TDRD5: variants seen among roughly 807,000 people sequenced by gnomAD.
TDRD5 encodes tudor domain containing 5.
In TDRD5, 41 loss-of-function variants were observed where a neutral mutation model predicts 120.6. The ratio of observed to expected loss-of-function variants is 0.34; its 90% confidence interval spans 0.26 to 0.44. TDRD5 has a LOEUF of 0.44. Ranked by LOEUF, TDRD5 falls within the 20% of genes least tolerant of loss-of-function variation. TDRD5 has a pLI of 1.00. For synonymous variants in TDRD5, 430 were observed against 433.7 expected (o/e 0.99, Z 0.11); for missense variants, 1,006 against 1,221.2 (o/e 0.82, Z 2.63).
Position 179,654,198 on chromosome 1 carries a change from T to G in TDRD5, c.2161-3T>G, listed in dbSNP as rs1233095234. On this transcript the variant is annotated splice_region_variant and splice_polypyrimidine_tract_variant and intron_variant, in intron 13 of 17. Transcript: ENST00000444136. ...TAAAGGAATTCTCTTTCATATCTAC[T>G]AGCAAGATATTAATGATGAAAAGTC... 1.3e-6 allele frequency: 2 copies of G among 1,523,204 alleles called. No individual in the cohort carries two copies. Among genetic ancestry groups the G allele is most frequent in the Non-Finnish European group, 1.8e-6 (2 of 1,132,586 alleles). The allele number at this position is 1,523,204 out of a possible 1,614,324, so 94.4% of individuals were successfully genotyped here.
At chr1:179,597,332 C>CTTTTTTTTTTTTTTTTTTTTTTTTCTT (rs945509784) in intron 4 of TDRD5, among the ~76,000 whole-genome samples, 1 of 125,572 alleles carries the variant, frequency 8.0e-6, no homozygotes, top group African/African-American at 2.9e-5. Flanking sequence ...TTCTTTTTTT[C>CTTTTTTTTTTTTTTTTTTTTTTTTCTT]TTTTTTTTTT....
chr1:179,639,301 C>A (rs927453044), intron 9 of TDRD5, among the ~76,000 whole-genome samples: 2 of 152,044 alleles, frequency 1.3e-5, no homozygotes, highest in African/African-American at 4.8e-5. Context: ...AGGATTTGGA[C>A]CCAGGTTATT....
chr1:179,608,260 TTTTC>T (rs548643405), intron 4 of TDRD5, among the ~76,000 whole-genome samples: 2 of 149,246 alleles, frequency 1.3e-5, no homozygotes, highest in African/African-American at 2.5e-5. Flanking sequence ...CTTGTTGTAC[TTTTC>T]TTTATTTTTT....
intron 17 of TDRD5, among the ~76,000 whole-genome samples, chr1:179,684,375 A>T (rs927872858): frequency 6.6e-6 from 1 of 152,030 alleles, no homozygotes; most frequent in Non-Finnish European, 1.5e-5. Flanking sequence ...AAGGACATGA[A>T]CTCATCCTTT....
intron 11 of TDRD5, among the ~76,000 whole-genome samples, chr1:179,648,747 C>T (rs998906893): frequency 7.3e-5 from 11 of 151,212 alleles, no homozygotes; most frequent in Admixed American, 3.3e-4. Context: ...CTAAATGAGA[C>T]GTGGACCAAG....
At chr1:179,677,419 A>G (rs1680194047) in intron 17 of TDRD5, among the ~76,000 whole-genome samples, 1 of 152,024 alleles carries the variant, frequency 6.6e-6, no homozygotes, top group Non-Finnish European at 1.5e-5. Flanking sequence ...AGGGGTGTTA[A>G]AGAACCTTAT....
At chr1:179,672,643 TG>T (rs1325036500) in intron 17 of TDRD5, among the ~76,000 whole-genome samples, 1 of 152,222 alleles carries the variant, frequency 6.6e-6, no homozygotes, top group African/African-American at 2.4e-5. Flanking sequence ...AATTTGCTTC[TG>T]GGTTCTTGAT....
At chr1:179,651,139 A>T in intron 12 of TDRD5, 72 bp downstream of exon 12, 1 of 1,503,008 alleles carries the variant, frequency 6.7e-7, no homozygotes, top group South Asian at 1.2e-5. Context: ...AGATAATTTA[A>T]TAAAGAAGTT....
At chr1:179,661,401 C>CT (rs1390868981) in intron 14 of TDRD5, among the ~76,000 whole-genome samples, 3 of 151,146 alleles carry the variant, frequency 2.0e-5, no homozygotes, top group Non-Finnish European at 4.4e-5. Context: ...TTTTTCCCCC[C>CT]AATCTTTTTT....
chr1:179,650,836 A>G, intron 11 of TDRD5, 31 bp from the exon 12 acceptor site: 1 of 1,606,108 alleles, frequency 6.2e-7, no homozygotes, highest in Middle Eastern at 1.7e-4. Context: ...TAGATCTATC[A>G]CCTGAATCCA....
rs1489387357 is a variant in TDRD5, at chr1:179,675,319, G to A, written c.2860+5915G>A. 3.0e-3 allele frequency among the ~76,000 whole-genome samples: 333 copies of A among 110,222 alleles called. 2 individuals carry two copies. Among genetic ancestry groups the A allele is most frequent in the African/African-American group, 0.011 (303 of 27,662 alleles). The allele number at this position is 110,222 out of a possible 152,430, so 72.3% of individuals were successfully genotyped here. A position where few individuals can be genotyped will look rare whatever the true frequency, so the allele number is the denominator to read the frequency against. ...TTTTGAGACGGAGTCTCACTCTTTC[G>A]CCCAAGCTGGACTGCAGTGGCGCTA... On this transcript the variant is annotated intron_variant, in intron 17 of 17. Coordinates refer to ENST00000444136, the MANE Select transcript of TDRD5 (RefSeq NM_001199085.3).
Position 179,595,665 on chromosome 1 carries a change from G to A in TDRD5, c.678G>A (p.Gly226=), listed in dbSNP as rs374300001. Residue 226 remains glycine (G), a synonymous_variant, in exon 4 of 18, where the codon GGG becomes GGA. Coordinates refer to ENST00000444136, the MANE Select transcript of TDRD5 (RefSeq NM_001199085.3). The part of the protein sequence containing the change: ...IFTQPFRMKQ[G]SYSTGFPVAK... ...CCCAGCCATTTAGAATGAAACAAGG[G>A]TCATACTCCACAGGCTTTCCGGTAG... The A allele has an allele frequency of 2.5e-6, 4 of 1,611,734 alleles. No homozygotes were observed. Among genetic ancestry groups the A allele is most frequent in the Middle Eastern group, 1.6e-4 (1 of 6,078 alleles).
chr1:179,595,611 T>C lies in TDRD5; in HGVS notation c.641-17T>C. ...GCTAGTGACAATTTTTCTTTCTTCTTCTATTACTCACAAAAGGTAAAATTT... is the reference window on the plus strand; with the variant it reads ...GCTAGTGACAATTTTTCTTTCTTCTCCTATTACTCACAAAAGGTAAAATTT... On this transcript the variant is annotated splice_polypyrimidine_tract_variant and intron_variant, in intron 3 of 17. Transcript: ENST00000444136. 1 of 1,538,034 alleles carries C rather than the reference T, an allele frequency of 6.5e-7. No individual in the cohort carries two copies. Among genetic ancestry groups the C allele is most frequent in the Non-Finnish European group, 8.7e-7 (1 of 1,143,960 alleles).
intron 4 of TDRD5, among the ~76,000 whole-genome samples, chr1:179,602,414 T>C (rs1393120669): frequency 2.6e-5 from 4 of 152,200 alleles, no homozygotes; most frequent in Non-Finnish European, 1.5e-5. Context: ...CTTGTTTTTT[T>C]TCTTACTGAT....
At chr1:179,595,931 T>C (rs1675368563) in intron 4 of TDRD5, 113 bp downstream of exon 4, 3 of 1,103,324 alleles carry the variant, frequency 2.7e-6, no homozygotes, top group African/African-American at 1.6e-5. Flanking sequence ...CATTCACTTA[T>C]TTCAAATTTG....
At chr1:179,671,723 T>C (rs1164638028) in intron 17 of TDRD5, among the ~76,000 whole-genome samples, 1 of 152,120 alleles carries the variant, frequency 6.6e-6, no homozygotes, top group East Asian at 1.9e-4. Flanking sequence ...TGTGTAGTTT[T>C]TTATCCCTCG....
At position 179,645,076 on chromosome 1, in the gene TDRD5, CTT is replaced by C. The variant is rs71569261; in HGVS notation, c.1800+4657_1800+4658del. Among the ~76,000 whole-genome samples the C allele has an allele frequency of 1.9e-3, 185 of 99,356 alleles. 2 individuals are homozygous for C. Among genetic ancestry groups the C allele is most frequent in the East Asian group, 0.014 (48 of 3,502 alleles). The allele number at this position is 99,356 out of a possible 152,430, so 65.2% of individuals were successfully genotyped here. ...AGTTTCTCAGTTTATAAACATTTTT[CTT>C]TTTTTTTTTTTTTTTTTTTTTTTTT... is the stretch of plus-strand genomic sequence containing the variant. On this transcript the variant is annotated intron_variant, in intron 11 of 17. Coordinates refer to ENST00000444136, the MANE Select transcript of TDRD5 (RefSeq NM_001199085.3).
chr1:179,630,154 C>T (rs866775952), intron 6 of TDRD5, among the ~76,000 whole-genome samples: 1 of 151,950 alleles, frequency 6.6e-6, no homozygotes, highest in Non-Finnish European at 1.5e-5. Context: ...CCCATCACCA[C>T]GCCTGGCTAA....
At chr1:179,639,412 G>C (rs1208744280) in intron 9 of TDRD5, among the ~76,000 whole-genome samples, 1 of 152,170 alleles carries the variant, frequency 6.6e-6, no homozygotes, top group East Asian at 1.9e-4. Context: ...TGACAAAGAA[G>C]TAGAGAATTG....
Sources: allele counts gnomAD v4.1 joint callset (sites outside exome capture counted in the v4.1 genomes callset), GRCh38; gene constraint gnomAD v4.1.1; transcripts MANE v1.5; gene names NCBI Gene and HGNC (gene_info 2026-07-23, HGNC 2026-07-21).